KRTAP9-9: variants seen among roughly 807,000 people sequenced by gnomAD.
KRTAP9-9 encodes keratin-associated protein 9-9.
KRTAP9-9 carries 12 observed loss-of-function variants against 13.7 expected under a neutral mutation model. The ratio of observed to expected loss-of-function variants is 0.88; its 90% CI spans 0.56 to 1.42. KRTAP9-9 has a LOEUF of 1.42. KRTAP9-9 is among the 40% of genes most tolerant of loss of function. The pLI is 0.00. For synonymous variants in KRTAP9-9, 81 were observed against 78.1 expected (o/e 1.04, Z -0.19); for missense variants, 194 against 206.5 (o/e 0.94, Z 0.37).
rs773752040 is a variant in KRTAP9-9 at position 41,255,811 on chromosome 17, C to A, written c.426C>A (p.Pro142=). 1,994 of 1,609,728 alleles carry A rather than the reference C, an allele frequency of 1.2e-3. 18 individuals are homozygous for A. The African/African-American group carries it at 0.023, about 18-fold the overall frequency. Reference sequence around the variant, plus strand: ...GCTGCTGCCAGCCCTGCTGCCGCCCCGCCTGCTGTGAGACCACCTGCTGCA... The same window carrying A: ...GCTGCTGCCAGCCCTGCTGCCGCCCAGCCTGCTGTGAGACCACCTGCTGCA... Residue 142 remains proline (P), a synonymous_variant, in exon 1 of 1, where the codon CCC becomes CCA. Transcript: ENST00000394008.
Position 41,255,873 on chromosome 17 carries a change from G to C in KRTAP9-9, c.488G>C (p.Cys163Ser), listed in dbSNP as rs144403228. 3,985 of 1,614,154 alleles carry C rather than the reference G, an allele frequency of 2.5e-3. 68 individuals carry two copies. The African/African-American group carries it at 0.046, about 19-fold the overall frequency. ...TTCCAGCCCACCTGTGTGTCCAGCT[G>C]CTGCCAGCCTTCTTGCTGCTGATCA... Residue 163 changes from cysteine (C) to serine (S), a missense_variant, in exon 1 of 1, where the codon TGC (cysteine) becomes TCC (serine). Physicochemically the swap from Cys to Ser is moderately radical, Grantham distance 112 (BLOSUM62 -1). Coordinates refer to ENST00000394008, the Ensembl canonical transcript of KRTAP9-9.
chr17:41,255,817 C>A, the KRTAP9-9 span: 2 of 1,613,408 alleles, frequency 1.2e-6, no homozygotes, highest in Middle Eastern at 3.3e-4. Flanking sequence ...GCCCCGCCTG[C>A]TGTGAGACCA....
chr17:41,255,856 C>T (rs769068337), exon 1 of KRTAP9-9: 20 of 1,613,374 alleles, frequency 1.2e-5, no homozygotes, highest in South Asian at 8.8e-5. Flanking sequence ...GCTTCCAGCC[C>T]ACCTGTGTGT....
chr17:41,255,859 C>A, exon 1 of KRTAP9-9: 5 of 1,613,632 alleles, frequency 3.1e-6, no homozygotes. Flanking sequence ...TCCAGCCCAC[C>A]TGTGTGTCCA....
At chr17:41,255,690 A>G (rs752273236) in exon 1 of KRTAP9-9, 3 of 1,613,406 alleles carry the variant, frequency 1.9e-6, no homozygotes. Context: ...AGCTGTGGCC[A>G]GAGCAGCTCC....
exon 1 of KRTAP9-9, chr17:41,256,233 T>A (rs2016322866): frequency 6.7e-6 from 3 of 450,196 alleles, no homozygotes; most frequent in Admixed American, 8.1e-5. Flanking sequence ...CACAACTATG[T>A]TTTCTTTTCA....
At chr17:41,256,216 G>C in exon 1 of KRTAP9-9, 1 of 500,574 alleles carries the variant, frequency 2.0e-6, no homozygotes, top group Non-Finnish European at 3.6e-6. Flanking sequence ...AAATGATTAA[G>C]AATCTTCACA....
chr17:41,255,938 G>A (rs1244884127), exon 1 of KRTAP9-9: 2 of 1,604,520 alleles, frequency 1.2e-6, no homozygotes, highest in South Asian at 1.1e-5. Context: ...ACAACCTTCT[G>A]CTCAACTGAC....
chr17:41,255,825 C>G lies in KRTAP9-9; in HGVS notation c.440C>G (p.Thr147Ser), dbSNP rs753663387. 1.9e-6 allele frequency: 3 copies of G among 1,611,728 alleles called. No homozygotes were observed. In the East Asian group the frequency reaches 6.7e-5, roughly 36 times the overall value. Residue 147 changes from threonine to serine, a missense_variant, in exon 1 of 1, where the codon ACC (threonine) becomes AGC (serine). By Grantham distance (58) the Thr-to-Ser change is moderately conservative. Coordinates refer to ENST00000394008, the Ensembl canonical transcript of KRTAP9-9. ...TGCTGCCGCCCCGCCTGCTGTGAGA[C>G]CACCTGCTGCAGGACCACTTGCTTC...
Position 41,255,661 on chromosome 17 carries a change from C to T in KRTAP9-9, c.276C>T (p.Gly92=), listed in dbSNP as rs745862757. 25 of 1,612,878 alleles carry T rather than the reference C, an allele frequency of 1.6e-5. No individual in the cohort carries two copies. The Admixed American group carries it at 3.8e-4, about 25-fold the overall frequency. Reference sequence around the variant, plus strand: ...TCTGCTGTGGGTCCAGCTGCTGTGGCCAAACCAGCTGTGGGTCCAGCTGTG... The same window carrying T: ...TCTGCTGTGGGTCCAGCTGCTGTGGTCAAACCAGCTGTGGGTCCAGCTGTG... Residue 92 remains glycine, a synonymous_variant, in exon 1 of 1, where the codon GGC becomes GGT. Coordinates refer to ENST00000394008, the Ensembl canonical transcript of KRTAP9-9.
chr17:41,255,646 G>A (rs776541492), exon 1 of KRTAP9-9: 2 of 1,609,944 alleles, frequency 1.2e-6, no homozygotes, highest in Admixed American at 3.4e-5. Context: ...TCTGCTGTGG[G>A]TCCAGCTGCT....
exon 1 of KRTAP9-9, chr17:41,256,047 G>A: frequency 6.9e-7 from 1 of 1,441,348 alleles, no homozygotes; most frequent in African/African-American, 1.4e-5. Flanking sequence ...TTGTGAATCA[G>A]CTTGAGGGAG....
chr17:41,255,595 C>T, exon 1 of KRTAP9-9: 1 of 1,613,862 alleles, frequency 6.2e-7, no homozygotes, highest in Non-Finnish European at 8.5e-7. Flanking sequence ...TGACCAGCTG[C>T]TGCCAGCCTT....
chr17:41,256,070 C>T, exon 1 of KRTAP9-9: 1 of 1,219,754 alleles, frequency 8.2e-7, no homozygotes, highest in Non-Finnish European at 1.1e-6. Flanking sequence ...CAGAATACTT[C>T]ATCCTGATTC....
At chr17:41,255,959 G>T in exon 1 of KRTAP9-9, 4 of 1,589,382 alleles carry the variant, frequency 2.5e-6, no homozygotes, top group Non-Finnish European at 3.4e-6. Flanking sequence ...TTATCTTTTG[G>T]AGGACTAATT....
At chr17:41,256,110 C>T in exon 1 of KRTAP9-9, 4 of 860,810 alleles carry the variant, frequency 4.6e-6, no homozygotes, top group Non-Finnish European at 7.1e-6. Flanking sequence ...GAATCATGTG[C>T]CAGCTTCATG....
At chr17:41,255,902 C>T (rs981567364) in exon 1 of KRTAP9-9, 1 of 1,613,686 alleles carries the variant, frequency 6.2e-7, no homozygotes, top group Non-Finnish European at 8.5e-7. Context: ...CTGATCAAGT[C>T]CCAAGAGAAC....
chr17:41,255,847 C>T (rs775718224), exon 1 of KRTAP9-9: 44 of 1,613,404 alleles, frequency 2.7e-5, no homozygotes, highest in Non-Finnish European at 3.6e-5. Context: ...GGACCACTTG[C>T]TTCCAGCCCA....
chr17:41,255,979 G>T, exon 1 of KRTAP9-9: 4 of 1,568,726 alleles, frequency 2.5e-6, no homozygotes, highest in Non-Finnish European at 3.5e-6. Flanking sequence ...TTACCTTACT[G>T]CTGACAGCAA....
Sources: gnomAD v4.1 joint callset for allele counts on GRCh38, gnomAD v4.1.1 for gene constraint, MANE v1.5 for transcripts, NCBI Gene and HGNC (gene_info 2026-07-23, HGNC 2026-07-21) for gene names.